The following ELOVL6 variants were observed in gnomAD, a reference collection of about 807,000 sequenced individuals.
ELOVL6 encodes very long chain fatty acid elongase 6.
A neutral mutation model predicts 31.7 loss-of-function variants in ELOVL6; 8 were observed. That is an observed-to-expected ratio of 0.25 (90% CI 0.15 to 0.45). The LOEUF (loss-of-function observed/expected upper bound fraction) is 0.45, where lower values mean the gene tolerates loss of function less well. Ranked by LOEUF, ELOVL6 falls within the 20% of genes least tolerant of loss-of-function variation. ELOVL6 has a pLI of 1.00. For synonymous variants in ELOVL6, 101 were observed against 117.7 expected (o/e 0.86, Z 0.92); for missense variants, 126 against 326.4 (o/e 0.39, Z 4.73).
intron 2 of ELOVL6, among the ~76,000 whole-genome samples, chr4:110,094,790 C>T (rs555686106): frequency 3.3e-5 from 5 of 152,054 alleles, no homozygotes; most frequent in African/African-American, 9.6e-5. Flanking sequence ...GCAATGAAGA[C>T]TGGACTAGGG....
chr4:110,082,308 G>A (rs1199438567), intron 2 of ELOVL6, among the ~76,000 whole-genome samples: 5 of 151,760 alleles, frequency 3.3e-5, no homozygotes, highest in Admixed American at 6.6e-5. Flanking sequence ...TGTTTATTGC[G>A]GCACTATTCA....
chr4:110,070,596 A>G (rs372932061), intron 2 of ELOVL6, among the ~76,000 whole-genome samples: 3 of 152,144 alleles, frequency 2.0e-5, no homozygotes, highest in African/African-American at 4.8e-5. Flanking sequence ...GGGGGAAAAA[A>G]TCTCACGTTG....
chr4:110,187,784 A>C (rs1259601280), intron 1 of ELOVL6, among the ~76,000 whole-genome samples: 1 of 152,144 alleles, frequency 6.6e-6, no homozygotes, highest in Non-Finnish European at 1.5e-5. Context: ...AGGCTGTCAC[A>C]GTTTAGGTAC....
At chr4:110,179,579 AT>A (rs1759212810) in intron 1 of ELOVL6, among the ~76,000 whole-genome samples, 1 of 152,176 alleles carries the variant, frequency 6.6e-6, no homozygotes, top group Non-Finnish European at 1.5e-5. Flanking sequence ...ATTTATTTTC[AT>A]TTTCACATGA....
intron 1 of ELOVL6, among the ~76,000 whole-genome samples, chr4:110,125,813 C>T (rs533394427): frequency 4.1e-5 from 6 of 146,018 alleles, no homozygotes; most frequent in African/African-American, 1.5e-4. Context: ...GGCGACAGAG[C>T]GAGACTCCAT....
At chr4:110,120,831 C>T (rs1463684394) in intron 1 of ELOVL6, among the ~76,000 whole-genome samples, 3 of 133,256 alleles carry the variant, frequency 2.3e-5, no homozygotes, top group Non-Finnish European at 3.1e-5. Flanking sequence ...AACAGAGTCT[C>T]GCTCTATCCC....
chr4:110,055,829 G>T (rs2126220464), intron 3 of ELOVL6, among the ~76,000 whole-genome samples: 1 of 152,318 alleles, frequency 6.6e-6, no homozygotes, highest in East Asian at 1.9e-4. Flanking sequence ...AATAGTAGGT[G>T]CTCAGAGATT....
At chr4:110,112,177 T>C (rs139513492) in intron 1 of ELOVL6, among the ~76,000 whole-genome samples, 1 of 152,260 alleles carries the variant, frequency 6.6e-6, no homozygotes, top group East Asian at 1.9e-4. Context: ...AAAAAGATGT[T>C]CACAGAGAAA....
intron 2 of ELOVL6, among the ~76,000 whole-genome samples, chr4:110,091,883 A>G (rs1011491925): frequency 3.9e-5 from 6 of 152,246 alleles, no homozygotes; most frequent in African/African-American, 1.4e-4. Context: ...CCCCGGATCA[A>G]TCAATCATTT....
At chr4:110,071,866 G>C (rs1349814378) in intron 2 of ELOVL6, among the ~76,000 whole-genome samples, 3 of 152,198 alleles carry the variant, frequency 2.0e-5, no homozygotes, top group Non-Finnish European at 4.4e-5. Context: ...GGGATATACA[G>C]ACCTCCAGGG....
intron 1 of ELOVL6, among the ~76,000 whole-genome samples, chr4:110,123,595 G>A (rs1757412302): frequency 6.6e-6 from 1 of 152,140 alleles, no homozygotes; most frequent in Non-Finnish European, 1.5e-5. Context: ...GGAGAGTGAG[G>A]GACAGAGCAC....
intron 1 of ELOVL6, among the ~76,000 whole-genome samples, chr4:110,180,369 T>C (rs1759235306): frequency 7.2e-6 from 1 of 138,070 alleles, no homozygotes; most frequent in Admixed American, 7.3e-5. Flanking sequence ...GCTTTATTTA[T>C]TTACTTATAT....
At position 110,046,026 on chromosome 4, in the gene ELOVL6, A is replaced by C. The variant is rs376258197; in HGVS notation, c.*5312T>G. 1 of 152,114 alleles carries C rather than the reference A, an allele frequency of 6.6e-6. No individual in the cohort carries two copies. Among genetic ancestry groups the C allele is most frequent in the East Asian group, 1.9e-4 (1 of 5,186 alleles). The allele number at this position is 152,114 out of a possible 1,614,324, so 9.4% of individuals were successfully genotyped here. ...AATATGGGCTCTGAGGTCCCCAAGA[A>C]GCTGAATCTTCCAGTGGTTTTCAAG... is the stretch of plus-strand genomic sequence containing the variant. On this transcript the variant is annotated 3_prime_UTR_variant, in exon 4 of 4. Coordinates refer to ENST00000302274, the MANE Select transcript of ELOVL6 (RefSeq NM_024090.3).
chr4:110,159,685 CAT>C (rs764411403), intron 1 of ELOVL6, among the ~76,000 whole-genome samples: 40 of 152,268 alleles, frequency 2.6e-4, no homozygotes, highest in African/African-American at 6.3e-4. Flanking sequence ...CACATTAACA[CAT>C]GAGACGTTGG....
chr4:110,051,455 A>C lies in ELOVL6; in HGVS notation c.681T>G (p.Ser227=). ...AGGACCAGAAGATGTTCTGAAAGTGAGAGTGACACTGGTCATGCTGCATCC... is the reference window on the plus strand; with the variant it reads ...AGGACCAGAAGATGTTCTGAAAGTGCGAGTGACACTGGTCATGCTGCATCC... ...FCWMQHDQCH[S]HFQNIFWSSL... is the part of the protein sequence containing the mutation. Residue 227 remains serine (S), a synonymous_variant, in exon 4 of 4, where the codon TCT becomes TCG. Coordinates refer to ENST00000302274, the MANE Select transcript of ELOVL6 (RefSeq NM_024090.3). This position sits in a 1 kb window ranked among gnomAD's most constrained non-coding sequence, Gnocchi z 4.8. The C allele has an allele frequency of 6.2e-7, 1 of 1,614,220 alleles. No homozygotes were observed. The highest frequency in any genetic ancestry group is 8.5e-7 in the Non-Finnish European group (1 of 1,180,032).
chr4:110,127,421 A>AAAAAG (rs1553959441), intron 1 of ELOVL6, among the ~76,000 whole-genome samples: 3 of 147,144 alleles, frequency 2.0e-5, no homozygotes, highest in African/African-American at 8.0e-5. Flanking sequence ...AAAAAAAAAA[A>AAAAAG]AAAAGAAAAG....
rs1207993772 is a variant in ELOVL6 at position 110,049,095 on chromosome 4, C to T, written c.*2243G>A. ...TGTTATAAGGAAAAAAGGCTTATTG[C>T]ACGGTATCATGTATTTGCGAAGCTC... On this transcript the variant is annotated 3_prime_UTR_variant, in exon 4 of 4. Coordinates refer to ENST00000302274, the MANE Select transcript of ELOVL6 (RefSeq NM_024090.3). 1 of 152,226 alleles carries T rather than the reference C, an allele frequency of 6.6e-6. No individual in the cohort carries two copies. Among genetic ancestry groups the T allele is most frequent in the Non-Finnish European group, 1.5e-5 (1 of 68,040 alleles). 9.4% of individuals were successfully genotyped at this position (152,226 alleles called of 1,614,324 possible).
chr4:110,120,989 CAG>C (rs1171632818), intron 1 of ELOVL6, among the ~76,000 whole-genome samples: 3 of 151,878 alleles, frequency 2.0e-5, no homozygotes, highest in Non-Finnish European at 4.4e-5. Context: ...TTAGTAGAGA[CAG>C]GGCTTCGCCA....
At chr4:110,194,248 A>C (rs747791800) in intron 1 of ELOVL6, among the ~76,000 whole-genome samples, 1 of 152,214 alleles carries the variant, frequency 6.6e-6, no homozygotes, top group South Asian at 2.1e-4. Flanking sequence ...TCTATTTTCA[A>C]TGTTGTAAAA....
Sources: gnomAD v4.1 joint callset for allele counts (sites outside exome capture counted in the v4.1 genomes callset) on GRCh38, gnomAD v4.1.1 for gene constraint, Gnocchi (gnomAD v3.1) non-coding constraint, MANE v1.5 for transcripts, NCBI Gene and HGNC (gene_info 2026-07-23, HGNC 2026-07-21) for gene names.